Variants in ZNF724 observed in about 807,000 individuals in gnomAD.
ZNF724 encodes the protein zinc finger protein 724.
Under a neutral mutation model 29.3 loss-of-function variants are expected in ZNF724, and 14 were observed. The ratio of observed to expected loss-of-function variants is 0.48; its 90% CI spans 0.32 to 0.75. The LOEUF is 0.75. Ranked by LOEUF, ZNF724 falls within the 30% of genes least tolerant of loss-of-function variation. The probability of loss-of-function intolerance (pLI) is 0.04; values close to 1 mark genes in which losing one functional copy is unlikely to be tolerated. For synonymous variants in ZNF724, 180 were observed against 193.6 expected (o/e 0.93, Z 0.58); for missense variants, 557 against 571.2 (o/e 0.98, Z 0.25).
At chr19:23,247,304 G>A (rs779365251) in intron 1 of ZNF724, among the ~76,000 whole-genome samples, 15 of 152,110 alleles carry the variant, frequency 9.9e-5, no homozygotes, top group Non-Finnish European at 1.6e-4. Context: ...TTTTAACAAT[G>A]GAATATATGA....
intron 1 of ZNF724, among the ~76,000 whole-genome samples, chr19:23,242,933 G>A (rs2145792323): frequency 6.7e-6 from 1 of 149,980 alleles, no homozygotes; most frequent in South Asian, 2.1e-4. Flanking sequence ...CAGCTACTAG[G>A]GAGGCTGAGG....
At chr19:23,241,671 T>A (rs2145790656) in intron 1 of ZNF724, among the ~76,000 whole-genome samples, 1 of 152,244 alleles carries the variant, frequency 6.6e-6, no homozygotes, top group South Asian at 2.1e-4. Flanking sequence ...CAGAAAAAAC[T>A]TCCAATAAAA....
chr19:23,228,718 G>C (rs950419773), intron 3 of ZNF724, among the ~76,000 whole-genome samples: 1 of 151,998 alleles, frequency 6.6e-6, no homozygotes, highest in Non-Finnish European at 1.5e-5. Context: ...GGCCAACATC[G>C]TGAAACCCCG....
At chr19:23,249,241 C>CT (rs35301912) in intron 1 of ZNF724, among the ~76,000 whole-genome samples, 102,508 of 133,738 alleles carry the variant, frequency 0.77, 39,941 homozygotes, top group South Asian at 0.88. Flanking sequence ...CAGAGACTGC[C>CT]TTTTTTTTTT....
chr19:23,222,819 T>A lies in ZNF724; in HGVS notation c.1426A>T (p.Lys476Ter), dbSNP rs979329193. The change falls in exon 4 of 4, where the codon AAA becomes TAA. Residue 476 changes from lysine to a stop codon, truncating the protein, a stop_gained. Transcript: ENST00000418100. LOFTEE classifies it high-confidence loss of function. ...CCACATTCTTCACATTTGTAGGGTT[T>A]CTCTCCAGTATGAATTATCCTATGT... is the stretch of plus-strand genomic sequence containing the variant. ...TEHRIIHTGE[K>*]PYKCEECGKA... The A allele has an allele frequency of 3.5e-6, 5 of 1,423,028 alleles. No homozygotes were observed. The highest frequency in any genetic ancestry group is 4.9e-6 in the Non-Finnish European group (5 of 1,013,074). 88.2% of individuals were successfully genotyped at this position (1,423,028 alleles called of 1,614,324 possible). A position where few individuals can be genotyped will look rare whatever the true frequency, so the allele number is the denominator to read the frequency against.
chr19:23,224,523 A>C (rs1971789276), intron 3 of ZNF724, among the ~76,000 whole-genome samples: 1 of 152,220 alleles, frequency 6.6e-6, no homozygotes, highest in African/African-American at 2.4e-5. Flanking sequence ...CATTTGTGAA[A>C]AATTTATAAA....
intron 1 of ZNF724, among the ~76,000 whole-genome samples, chr19:23,237,306 G>A (rs905855141): frequency 5.1e-4 from 78 of 152,146 alleles, no homozygotes; most frequent in African/African-American, 1.9e-3. Context: ...AGCAGTATTC[G>A]AGTTTAGTAA....
chr19:23,227,562 AAAAAAAAAC>A (rs1230320230), intron 3 of ZNF724, among the ~76,000 whole-genome samples: 2 of 109,082 alleles, frequency 1.8e-5, no homozygotes, highest in African/African-American at 5.4e-5. Context: ...TCTCAAAAAA[AAAAAAAAAC>A]AAAAAAAAAC....
intron 1 of ZNF724, among the ~76,000 whole-genome samples, chr19:23,236,062 T>C (rs919981553): frequency 6.6e-6 from 1 of 152,216 alleles, no homozygotes; most frequent in African/African-American, 2.4e-5. Context: ...TTATAATCAA[T>C]GACAAAATTA....
chr19:23,235,832 A>G (rs1442012500), intron 1 of ZNF724, among the ~76,000 whole-genome samples: 1 of 152,224 alleles, frequency 6.6e-6, no homozygotes, highest in Non-Finnish European at 1.5e-5. Flanking sequence ...CTCCAGCCCT[A>G]GAGAAACTCC....
Position 23,250,373 on chromosome 19 carries a change from A to C in ZNF724, c.-131T>G. 2.1e-6 allele frequency: 1 copy of C among 468,416 alleles called. No homozygotes were observed. The highest frequency in any genetic ancestry group is 1.7e-5 in the South Asian group (1 of 60,340). 29.0% of individuals were successfully genotyped at this position (468,416 alleles called of 1,614,324 possible). ...CAGGGAAGACGAGACCAAGCGCTCC[A>C]GCTGCAGCGAGAGACAAAGGCCCCG... On this transcript the variant is annotated 5_prime_UTR_variant, in exon 1 of 4. Transcript: ENST00000418100.
At chr19:23,249,343 C>CGATT (rs1972307175) in intron 1 of ZNF724, among the ~76,000 whole-genome samples, 1 of 149,828 alleles carries the variant, frequency 6.7e-6, no homozygotes, top group Non-Finnish European at 1.5e-5. Context: ...CAGGTTCAAG[C>CGATT]GATTGTCCCG....
At chr19:23,239,728 T>C (rs1157773231) in intron 1 of ZNF724, among the ~76,000 whole-genome samples, 1 of 152,166 alleles carries the variant, frequency 6.6e-6, no homozygotes, top group Non-Finnish European at 1.5e-5. Context: ...GGAGAATCCC[T>C]TGAACCCAGG....
At chr19:23,241,919 A>G (rs1173295053) in intron 1 of ZNF724, among the ~76,000 whole-genome samples, 1 of 152,104 alleles carries the variant, frequency 6.6e-6, no homozygotes, top group East Asian at 1.9e-4. Flanking sequence ...AAATGCACCC[A>G]AACAGGAAGG....
chr19:23,224,078 C>G, intron 3 of ZNF724, 60 bp from the exon 4 acceptor site: 1 of 597,554 alleles, frequency 1.7e-6, no homozygotes, highest in South Asian at 2.2e-5. Context: ...ATATTCTTTA[C>G]ACATCTAACC....
chr19:23,226,591 TC>T (rs1971831492), intron 3 of ZNF724, among the ~76,000 whole-genome samples: 3 of 152,142 alleles, frequency 2.0e-5, no homozygotes, highest in African/African-American at 7.2e-5. Context: ...AAAATTAACT[TC>T]AAATAACAAA....
intron 3 of ZNF724, 37 bp downstream of exon 3, chr19:23,231,229 C>T: frequency 1.6e-6 from 2 of 1,243,930 alleles, no homozygotes; most frequent in Non-Finnish European, 2.3e-6. Flanking sequence ...ATTTGGACCT[C>T]TCATCTGTGT....
Position 23,222,260 on chromosome 19 carries a change from T to A in ZNF724, c.*125A>T, listed in dbSNP as rs1269759179. On this transcript the variant is annotated 3_prime_UTR_variant, in exon 4 of 4. Transcript: ENST00000418100. ...GTTATATCTTTCAGGTTTGTACGGT[T>A]TCTCTCCAGTAATTCTCTTCGTTGG... The A allele has an allele frequency of 1.3e-5, 8 of 612,086 alleles. No homozygotes were observed. In the Admixed American group the frequency reaches 2.4e-4, roughly 18 times the overall value. The allele number at this position is 612,086 out of a possible 1,614,324, so 37.9% of individuals were successfully genotyped here. A position where few individuals can be genotyped will look rare whatever the true frequency, so the allele number is the denominator to read the frequency against.
At chr19:23,244,664 A>C (rs1972206232) in intron 1 of ZNF724, among the ~76,000 whole-genome samples, 1 of 152,174 alleles carries the variant, frequency 6.6e-6, no homozygotes, top group African/African-American at 2.4e-5. Flanking sequence ...CTCCAACACC[A>C]ATTCTTTATC....
Sources: gnomAD v4.1 joint callset for allele counts (sites outside exome capture counted in the v4.1 genomes callset) on GRCh38, gnomAD v4.1.1 for gene constraint, MANE v1.5 for transcripts, NCBI Gene and HGNC (gene_info 2026-07-23, HGNC 2026-07-21) for gene names.